SGCG: variants seen among roughly 807,000 people sequenced by gnomAD.
SGCG encodes the protein gamma-sarcoglycan.
Under a neutral mutation model 29.3 loss-of-function variants are expected in SGCG, and 26 were observed. The ratio of observed to expected loss-of-function variants is 0.89; its 90% confidence interval spans 0.65 to 1.23. The LOEUF (loss-of-function observed/expected upper bound fraction) is 1.23. Ranked by LOEUF, SGCG falls within the 50% of genes most tolerant of loss-of-function variation. The pLI, the probability that SGCG is intolerant of heterozygous loss-of-function variation, is 0.00. For synonymous variants in SGCG, 145 were observed against 129.7 expected, an observed-to-expected ratio of 1.12 and a Z score of -0.80; for missense variants, 353 against 356.0, an observed-to-expected ratio of 0.99 and a Z score of 0.07.
upstream of SGCG, among the ~76,000 whole-genome samples, chr13:23,180,634 G>A (rs540497409): frequency 1.3e-4 from 20 of 152,312 alleles, no homozygotes; most frequent in African/African-American, 4.8e-4. Flanking sequence ...ATGGAAACCA[G>A]TCTTAGAAGT....
chr13:23,224,683 C>CCCCCCCA (rs1566006934), intron 2 of SGCG, among the ~76,000 whole-genome samples: 1 of 151,778 alleles, frequency 6.6e-6, no homozygotes, highest in Non-Finnish European at 1.5e-5. Flanking sequence ...CACACACACC[C>CCCCCCCA]CACACCAGTG....
At chr13:23,305,871 A>C (rs1334498453) in intron 6 of SGCG, among the ~76,000 whole-genome samples, 1 of 152,154 alleles carries the variant, frequency 6.6e-6, no homozygotes, top group Non-Finnish European at 1.5e-5. Context: ...CACATAACTC[A>C]TATTAGTCTG....
intron 1 of SGCG, among the ~76,000 whole-genome samples, chr13:23,182,939 G>GGCA (rs1201765953): frequency 1.3e-5 from 2 of 152,164 alleles, no homozygotes; most frequent in Non-Finnish European, 2.9e-5. Flanking sequence ...CAGTGGAGGC[G>GGCA]GCAGTGAAGA....
chr13:23,297,317 A>C (rs542803932), intron 6 of SGCG, among the ~76,000 whole-genome samples: 1 of 152,222 alleles, frequency 6.6e-6, no homozygotes, highest in South Asian at 2.1e-4. Context: ...TGTTAGAGGA[A>C]TTAAAGACAC....
At chr13:23,177,566 G>T (rs1043142987), upstream of SGCG, among the ~76,000 whole-genome samples, 1 of 133,238 alleles carries the variant, frequency 7.5e-6, no homozygotes, top group Non-Finnish European at 1.6e-5. Context: ...CATGTGAGCA[G>T]GCTTTTTTTT....
At chr13:23,270,749 A>C (rs1272488503) in intron 4 of SGCG, among the ~76,000 whole-genome samples, 2 of 152,280 alleles carry the variant, frequency 1.3e-5, no homozygotes, top group South Asian at 4.1e-4. Context: ...TCATTGCTTG[A>C]AAGACTTCCT....
At chr13:23,237,081 A>G (rs1028763242) in intron 3 of SGCG, among the ~76,000 whole-genome samples, 1 of 152,192 alleles carries the variant, frequency 6.6e-6, no homozygotes, top group Non-Finnish European at 1.5e-5. Flanking sequence ...TAACTCACTT[A>G]TGTGTACTGA....
intron 2 of SGCG, among the ~76,000 whole-genome samples, chr13:23,217,259 A>C (rs1174804475): frequency 6.6e-6 from 1 of 152,046 alleles, no homozygotes; most frequent in Non-Finnish European, 1.5e-5. Context: ...ATGAATAGAG[A>C]CTGTTTCAGA....
At chr13:23,248,499 G>C (rs1249400160) in intron 3 of SGCG, among the ~76,000 whole-genome samples, 1 of 151,450 alleles carries the variant, frequency 6.6e-6, no homozygotes, top group Non-Finnish European at 1.5e-5. Context: ...AGGAGATGGA[G>C]ACCATCTTGG....
At chr13:23,183,672 T>C (rs1876840303) in intron 1 of SGCG, among the ~76,000 whole-genome samples, 1 of 150,520 alleles carries the variant, frequency 6.6e-6, no homozygotes, top group African/African-American at 2.5e-5. Context: ...TCTCCCTTTA[T>C]TTTTATTTTT....
intron 2 of SGCG, among the ~76,000 whole-genome samples, chr13:23,232,828 A>G (rs1372785150): frequency 2.0e-5 from 3 of 152,154 alleles, no homozygotes; most frequent in South Asian, 2.1e-4. Context: ...AATCAGATAT[A>G]TGGGTATGAA....
the SGCG span, among the ~76,000 whole-genome samples, chr13:23,163,474 G>T: frequency 6.6e-6 from 1 of 152,124 alleles, no homozygotes; most frequent in Non-Finnish European, 1.5e-5. Context: ...ACCTAATTCA[G>T]ACTTGGTTTG....
intron 6 of SGCG, among the ~76,000 whole-genome samples, chr13:23,300,666 A>T (rs1051089641): frequency 1.3e-5 from 2 of 152,104 alleles, no homozygotes; most frequent in Non-Finnish European, 2.9e-5. Flanking sequence ...CGAGGTGGCA[A>T]ATTAACAGTA....
chr13:23,167,346 T>C, the SGCG span, among the ~76,000 whole-genome samples: 3 of 152,212 alleles, frequency 2.0e-5, no homozygotes, highest in African/African-American at 4.8e-5. Context: ...GTGGCTATTG[T>C]TAACAGTGCT....
intron 2 of SGCG, among the ~76,000 whole-genome samples, chr13:23,217,274 C>T (rs750682181): frequency 4.1e-4 from 62 of 152,216 alleles, no homozygotes; most frequent in Non-Finnish European, 8.1e-4. Flanking sequence ...TTCAGAGCTA[C>T]ATGTTGTATC....
chr13:23,231,417 C>T (rs1879107409), intron 2 of SGCG, among the ~76,000 whole-genome samples: 1 of 150,750 alleles, frequency 6.6e-6, no homozygotes, highest in African/African-American at 2.4e-5. Flanking sequence ...TGACAATGAA[C>T]AGTCAGCTTT....
At chr13:23,251,643 C>T (rs113566806) in intron 4 of SGCG, among the ~76,000 whole-genome samples, 6 of 151,906 alleles carry the variant, frequency 3.9e-5, no homozygotes, top group Non-Finnish European at 7.4e-5. Context: ...TGTGGTGGTG[C>T]ACGTCTGTAG....
chr13:23,310,322 A>G (rs59848741), intron 6 of SGCG, among the ~76,000 whole-genome samples: 24,864 of 151,686 alleles, frequency 0.16, 2,404 homozygotes, highest in Non-Finnish European at 0.21. Context: ...TCCTGACCTC[A>G]TGATCTGCCC....
intron 2 of SGCG, among the ~76,000 whole-genome samples, chr13:23,220,937 A>G (rs572222150): frequency 6.6e-6 from 1 of 152,318 alleles, no homozygotes; most frequent in African/African-American, 2.4e-5. Flanking sequence ...CCCTGTCTGC[A>G]TATATGAGCA....
Sources: allele counts gnomAD v4.1 joint callset (sites outside exome capture counted in the v4.1 genomes callset), GRCh38; gene constraint gnomAD v4.1.1; transcripts MANE v1.5; gene names NCBI Gene and HGNC (gene_info 2026-07-23, HGNC 2026-07-21).